HSPBAP1: variants seen among roughly 807,000 people sequenced by gnomAD.
The protein encoded by HSPBAP1 is HSPB1 associated protein 1, also known as HSPB1-associated protein 1.
A neutral mutation model predicts 45.2 loss-of-function variants in HSPBAP1; 27 were observed. That is an observed-to-expected ratio of 0.60 (90% CI 0.44 to 0.82). HSPBAP1 has a LOEUF of 0.82. Among genes scored for constraint, HSPBAP1 ranks in the 40% least tolerant of loss-of-function variants. HSPBAP1 has a pLI of 0.00. For synonymous variants in HSPBAP1, 204 were observed against 202.7 expected, an observed-to-expected ratio of 1.01 and a Z score of -0.06; for missense variants, 510 against 590.9, an observed-to-expected ratio of 0.86 and a Z score of 1.42.
At chr3:122,782,267 A>AT (rs902489279) in intron 1 of HSPBAP1, among the ~76,000 whole-genome samples, 3 of 152,174 alleles carry the variant, frequency 2.0e-5, no homozygotes, top group Admixed American at 2.0e-4. Context: ...GGGAAATATT[A>AT]TTTTTATTGC....
chr3:122,780,606 G>C (rs1560161984), intron 1 of HSPBAP1, among the ~76,000 whole-genome samples: 1 of 142,260 alleles, frequency 7.0e-6, no homozygotes, highest in Non-Finnish European at 1.5e-5. Flanking sequence ...GCGGGGGGCT[G>C]ACCCCCCCAC....
At chr3:122,748,439 C>A (rs987123793) in intron 6 of HSPBAP1, among the ~76,000 whole-genome samples, 1 of 150,596 alleles carries the variant, frequency 6.6e-6, no homozygotes, top group Admixed American at 6.6e-5. Flanking sequence ...TAGTGAAAAA[C>A]TTCCAAATGG....
chr3:122,774,157 G>A (rs1935108115), intron 2 of HSPBAP1, among the ~76,000 whole-genome samples: 1 of 152,208 alleles, frequency 6.6e-6, no homozygotes, highest in Non-Finnish European at 1.5e-5. Flanking sequence ...TGACCTTCTT[G>A]AGGGGAAGAG....
At chr3:122,741,409 G>T (rs560011323) in intron 6 of HSPBAP1, 1 of 305,060 alleles carries the variant, frequency 3.3e-6, no homozygotes, top group Admixed American at 4.5e-5. Flanking sequence ...TATTTGACAT[G>T]TTTAAAGTTT....
chr3:122,771,712 T>C (rs1373048551), intron 2 of HSPBAP1, among the ~76,000 whole-genome samples: 3 of 152,212 alleles, frequency 2.0e-5, no homozygotes, highest in Admixed American at 2.0e-4. Context: ...AGCACGTATC[T>C]TGGGAAACAA....
At chr3:122,744,901 T>C (rs868605147) in intron 6 of HSPBAP1, among the ~76,000 whole-genome samples, 6 of 152,152 alleles carry the variant, frequency 3.9e-5, no homozygotes, top group African/African-American at 9.7e-5. Flanking sequence ...AGGCAATCAA[T>C]TGATATAATT....
chr3:122,770,255 C>T (rs1445279722), intron 2 of HSPBAP1, among the ~76,000 whole-genome samples: 1 of 152,152 alleles, frequency 6.6e-6, no homozygotes, highest in African/African-American at 2.4e-5. Context: ...AACTTGTCAC[C>T]TCACTTTGAG....
chr3:122,754,555 G>A, intron 5 of HSPBAP1: 4 of 985,256 alleles, frequency 4.1e-6, no homozygotes, highest in Non-Finnish European at 4.8e-6. Flanking sequence ...GTACTTGAGT[G>A]AAGGAAGCAG....
At chr3:122,780,119 G>A (rs1438131439) in intron 1 of HSPBAP1, among the ~76,000 whole-genome samples, 5,184 of 117,936 alleles carry the variant, frequency 0.044, 93 homozygotes, top group Middle Eastern at 0.13. Context: ...CGGACGGGGC[G>A]GCTGGCCGGG....
chr3:122,754,664 CA>C, intron 5 of HSPBAP1: 1 of 985,258 alleles, frequency 1.0e-6, no homozygotes, highest in Non-Finnish European at 1.2e-6. Flanking sequence ...GAAAACCTTT[CA>C]AATTATTAAT....
intron 4 of HSPBAP1, 100 bp downstream of exon 4, chr3:122,759,124 C>T: frequency 2.7e-6 from 4 of 1,462,638 alleles, no homozygotes; most frequent in Non-Finnish European, 3.6e-6. Context: ...GCTGGGACTA[C>T]ACCTTGGGGT....
intron 1 of HSPBAP1, among the ~76,000 whole-genome samples, chr3:122,781,117 G>A (rs1935451342): frequency 6.6e-6 from 1 of 151,860 alleles, no homozygotes; most frequent in Non-Finnish European, 1.5e-5. Context: ...ACGATGGGCG[G>A]CCAGGCAGAG....
intron 3 of HSPBAP1, chr3:122,761,778 G>C (rs2107515873): frequency 7.0e-6 from 1 of 143,790 alleles, no homozygotes; most frequent in East Asian, 2.0e-4. Flanking sequence ...CTGAGTGACA[G>C]AGCAAGACCT....
intron 1 of HSPBAP1, among the ~76,000 whole-genome samples, chr3:122,788,501 C>A (rs1323252260): frequency 6.6e-6 from 1 of 152,128 alleles, no homozygotes; most frequent in Non-Finnish European, 1.5e-5. Flanking sequence ...ATCTGCACAC[C>A]CATGTTCACA....
At chr3:122,744,013 TAAAAAATA>T (rs1431811939) in intron 6 of HSPBAP1, among the ~76,000 whole-genome samples, 11 of 152,152 alleles carry the variant, frequency 7.2e-5, no homozygotes, top group African/African-American at 2.7e-4. Context: ...ATTCCATCTC[TAAAAAATA>T]AAAAAATAAA....
intron 2 of HSPBAP1, among the ~76,000 whole-genome samples, chr3:122,775,827 T>C (rs1327021547): frequency 6.6e-6 from 1 of 152,232 alleles, no homozygotes; most frequent in Admixed American, 6.5e-5. Flanking sequence ...TGAATGTTCA[T>C]AGTAGCATTA....
At chr3:122,780,445 G>A (rs1207530730) in intron 1 of HSPBAP1, among the ~76,000 whole-genome samples, 1 of 124,396 alleles carries the variant, frequency 8.0e-6, no homozygotes, top group Non-Finnish European at 1.7e-5. Context: ...TCACTTCCCA[G>A]TAGGGGCGGC....
intron 3 of HSPBAP1, among the ~76,000 whole-genome samples, chr3:122,760,805 G>A (rs961867197): frequency 1.3e-5 from 2 of 152,172 alleles, no homozygotes; most frequent in Non-Finnish European, 2.9e-5. Flanking sequence ...CACACTGGCT[G>A]CTTGGGAGGG....
At chr3:122,780,821 T>G (rs1159993448) in intron 1 of HSPBAP1, among the ~76,000 whole-genome samples, 9 of 116,900 alleles carry the variant, frequency 7.7e-5, no homozygotes, top group African/African-American at 1.7e-4. Context: ...AGGCAGAGGG[T>G]CTCCTCACTT....
Sources: gnomAD v4.1 joint callset for allele counts (sites outside exome capture counted in the v4.1 genomes callset) on GRCh38, gnomAD v4.1.1 for gene constraint, MANE v1.5 for transcripts, NCBI Gene and HGNC (gene_info 2026-07-23, HGNC 2026-07-21) for gene names.